Variants in TENM1 observed in about 807,000 individuals in gnomAD.
TENM1 encodes the protein teneurin transmembrane protein 1.
TENM1 carries 35 observed loss-of-function variants against 174.8 expected under a neutral mutation model. The ratio of observed to expected loss-of-function variants is 0.20; its 90% CI spans 0.15 to 0.27. The LOEUF is 0.27. Ranked by LOEUF, TENM1 falls within the 10% of genes least tolerant of loss-of-function variation. The probability of loss-of-function intolerance (pLI) is 1.00; values close to 1 mark genes in which losing one functional copy is unlikely to be tolerated. For synonymous variants in TENM1, 781 were observed against 798.7 expected, an observed-to-expected ratio of 0.98 and a Z score of 0.37; for missense variants, 1,633 against 2,130.1, an observed-to-expected ratio of 0.77 and a Z score of 4.59.
chrX:125,050,533 C>T, the TENM1 span, among the ~76,000 whole-genome samples: 19 of 111,593 alleles, frequency 1.7e-4, no homozygotes, highest in South Asian at 7.5e-4. Context: ...GGTGTATATG[C>T]GCCACATTTT....
At chrX:124,780,471 C>A (rs1219272518) in intron 3 of TENM1, among the ~76,000 whole-genome samples, 6 of 111,403 alleles carry the variant, frequency 5.4e-5, no homozygotes. Flanking sequence ...TCTCTTTGAG[C>A]AGAAATTGGG....
intron 11 of TENM1, among the ~76,000 whole-genome samples, chrX:124,599,068 A>G (rs986176863): frequency 2.7e-5 from 3 of 111,493 alleles, no homozygotes; most frequent in Non-Finnish European, 5.7e-5. Context: ...AACATAGTAT[A>G]TATAGGGTTC....
chrX:124,933,760 G>C (rs1278582851), intron 1 of TENM1, among the ~76,000 whole-genome samples: 1 of 111,787 alleles, frequency 8.9e-6, no homozygotes, highest in Non-Finnish European at 1.9e-5. Context: ...ATTCTTATCT[G>C]TTCATTAAAG....
At chrX:124,589,730 T>C (rs1373825311) in intron 11 of TENM1, among the ~76,000 whole-genome samples, 1 of 111,418 alleles carries the variant, frequency 9.0e-6, no homozygotes, top group Non-Finnish European at 1.9e-5. Context: ...TCTCTGAGGA[T>C]CTTTTGTATT....
chrX:125,035,659 G>A, the TENM1 span, among the ~76,000 whole-genome samples: 2 of 111,789 alleles, frequency 1.8e-5, no homozygotes, highest in Non-Finnish European at 3.8e-5. Flanking sequence ...TGCTAGCAGT[G>A]AAAAGGAAGT....
At chrX:124,873,005 C>T (rs1366007138) in intron 3 of TENM1, among the ~76,000 whole-genome samples, 3 of 111,016 alleles carry the variant, frequency 2.7e-5, no homozygotes, top group Non-Finnish European at 5.7e-5. Flanking sequence ...TACAAAGCTA[C>T]GTTAAAGAAA....
At chrX:124,778,063 T>C (rs1306596336) in intron 3 of TENM1, among the ~76,000 whole-genome samples, 1 of 113,409 alleles carries the variant, frequency 8.8e-6, no homozygotes, top group African/African-American at 3.2e-5. Flanking sequence ...GTTTTCATTA[T>C]CCAGTGGATT....
intron 3 of TENM1, among the ~76,000 whole-genome samples, chrX:124,817,152 A>T (rs148099941): frequency 0.013 from 1,455 of 110,555 alleles, 23 homozygotes; most frequent in African/African-American, 0.046. Context: ...GGCTTTCTGT[A>T]CTTGTGATAG....
chrX:125,146,520 G>C, the TENM1 span, among the ~76,000 whole-genome samples: 12 of 111,496 alleles, frequency 1.1e-4, no homozygotes, highest in Non-Finnish European at 2.3e-4. Flanking sequence ...TCTAGGCACT[G>C]GGCTTAGAAC....
intron 20 of TENM1, among the ~76,000 whole-genome samples, chrX:124,494,565 GGTTA>G (rs1407320027): frequency 1.8e-5 from 2 of 109,725 alleles, no homozygotes; most frequent in African/African-American, 6.6e-5. Context: ...ACATTGTACA[GGTTA>G]GTTACATATG....
chrX:124,775,397 T>C (rs1465989200), intron 3 of TENM1, among the ~76,000 whole-genome samples: 1 of 111,553 alleles, frequency 9.0e-6, no homozygotes, highest in Non-Finnish European at 1.9e-5. Flanking sequence ...TCTTACATTG[T>C]TCAGGTATGA....
intron 11 of TENM1, among the ~76,000 whole-genome samples, chrX:124,604,263 T>C (rs1481314144): frequency 9.0e-6 from 1 of 111,500 alleles, no homozygotes; most frequent in African/African-American, 3.3e-5. Context: ...TCCAGTCCCT[T>C]GGCATTCTTT....
intron 3 of TENM1, among the ~76,000 whole-genome samples, chrX:124,780,679 G>A (rs936003825): frequency 8.1e-5 from 9 of 111,558 alleles, no homozygotes; most frequent in Non-Finnish European, 1.7e-4. Flanking sequence ...TTGAAGAGAA[G>A]TGTACTAGAT....
chrX:124,973,950 A>T, the TENM1 span, among the ~76,000 whole-genome samples: 1 of 111,391 alleles, frequency 9.0e-6, no homozygotes. Flanking sequence ...ACACACTGGG[A>T]CCTGTCGGGG....
intron 3 of TENM1, among the ~76,000 whole-genome samples, chrX:124,874,812 T>C (rs1280933046): frequency 9.0e-6 from 1 of 111,362 alleles, no homozygotes; most frequent in Admixed American, 9.6e-5. Flanking sequence ...TCCAGACTTA[T>C]TTGAAAGGTC....
At chrX:124,966,555 G>A (rs1291223742), upstream of TENM1, among the ~76,000 whole-genome samples, 1 of 107,184 alleles carries the variant, frequency 9.3e-6, no homozygotes, top group Non-Finnish European at 1.9e-5. Flanking sequence ...CCAGCTACTC[G>A]GGAGGCTGAG....
intron 15 of TENM1, among the ~76,000 whole-genome samples, chrX:124,543,643 A>G (rs2048367965): frequency 8.9e-6 from 1 of 112,501 alleles, no homozygotes; most frequent in South Asian, 3.7e-4. Context: ...TTAAAAAGTA[A>G]TAAGTCGTAC....
At chrX:124,474,763 A>G (rs1049339046) in intron 22 of TENM1, among the ~76,000 whole-genome samples, 1 of 111,645 alleles carries the variant, frequency 9.0e-6, no homozygotes, top group Non-Finnish European at 1.9e-5. Flanking sequence ...CCCTAAGCAG[A>G]TGCATTAGAT....
intron 3 of TENM1, among the ~76,000 whole-genome samples, chrX:124,738,375 AT>A (rs1450807296): frequency 1.8e-5 from 2 of 112,276 alleles, no homozygotes; most frequent in African/African-American, 6.5e-5. Flanking sequence ...TCAAACTTGA[AT>A]TTTAAAGACA....
Sources: gnomAD v4.1 joint callset for allele counts (sites outside exome capture counted in the v4.1 genomes callset) on GRCh38, gnomAD v4.1.1 for gene constraint, MANE v1.5 for transcripts, NCBI Gene and HGNC (gene_info 2026-07-23, HGNC 2026-07-21) for gene names.